Variants in MID1 observed in about 807,000 individuals in gnomAD.
The protein encoded by MID1 is E3 ubiquitin-protein ligase Midline-1.
In MID1, 7 loss-of-function variants were observed where a neutral mutation model predicts 40.4. That is an observed-to-expected ratio of 0.17 (90% CI 0.10 to 0.33). MID1 has a LOEUF of 0.33. Among genes scored for constraint, MID1 ranks in the 10% least tolerant of loss-of-function variants. The pLI is 1.00. For synonymous variants in MID1, 229 were observed against 221.2 expected (o/e 1.04, Z -0.31); for missense variants, 367 against 558.5 (o/e 0.66, Z 3.46).
Position 10,567,442 on chromosome X carries a change from G to A in MID1, c.106C>T (p.Arg36Cys). 8.3e-6 allele frequency: 10 copies of A among 1,211,484 alleles called. No individual in the cohort carries two copies. Among genetic ancestry groups the A allele is most frequent in the South Asian group, 3.5e-5 (2 of 56,936 alleles). The change falls in exon 2 of 10, where the codon CGC becomes TGC. Residue 36 changes from arginine (R) to cysteine (C), a missense_variant. Physicochemically the swap from Arg to Cys is radical, Grantham distance 180. Coordinates refer to ENST00000317552, the MANE Select transcript of MID1 (RefSeq NM_000381.4). ...AHSLCFNCAH[R>C]ILVSHCATNE... ...GTGGCACAGTGTGATACTAGGATGC[G>A]GTGGGCGCAGTTGAAGCAGAGGCTG...
intron 1 of MID1, among the ~76,000 whole-genome samples, chrX:10,786,434 G>C (rs2043884001): frequency 9.0e-6 from 1 of 111,235 alleles, no homozygotes; most frequent in African/African-American, 3.3e-5. Flanking sequence ...TCTACAACTA[G>C]AAATACCATT....
intron 1 of MID1, among the ~76,000 whole-genome samples, chrX:10,664,391 A>T (rs2042936793): frequency 9.0e-6 from 1 of 111,331 alleles, no homozygotes; most frequent in African/African-American, 3.3e-5. Context: ...GGTGGACTCA[A>T]ACTCCTGACC....
chrX:10,775,495 T>C (rs1328038453), intron 1 of MID1, among the ~76,000 whole-genome samples: 1 of 112,278 alleles, frequency 8.9e-6, no homozygotes, highest in Middle Eastern at 4.2e-3. Context: ...TATTTTTATG[T>C]ACTGGTCAAA....
Position 10,552,183 on chromosome X carries a change from A to T in MID1, c.660+14705T>A, listed in dbSNP as rs200749008. Among the ~76,000 whole-genome samples the T allele has an allele frequency of 2.7e-3, 290 of 109,101 alleles. 6 individuals are homozygous for T. In the East Asian group the frequency reaches 0.03, roughly 11 times the overall value. 94.7% of individuals were successfully genotyped at this position (109,101 alleles called of 115,157 possible). On this transcript the variant is annotated intron_variant, in intron 2 of 9. Transcript: ENST00000317552. Reference sequence around the variant, plus strand: ...ATGAAGGAGTGGTAAAAAAAAAAAAAATAGGGAATGTCGGAGATCAGATAA... The same window carrying T: ...ATGAAGGAGTGGTAAAAAAAAAAAATATAGGGAATGTCGGAGATCAGATAA...
At chrX:10,681,527 C>A (rs2043060537) in intron 1 of MID1, among the ~76,000 whole-genome samples, 2 of 112,221 alleles carry the variant, frequency 1.8e-5, no homozygotes, top group Admixed American at 1.9e-4. Context: ...GGCTCCCTCA[C>A]AACATGCTGT....
chrX:10,567,823 G>A lies in MID1; in HGVS notation c.-56-220C>T, dbSNP rs1341142773. 3.8e-5 allele frequency among the ~76,000 whole-genome samples: 4 copies of A among 105,814 alleles called. No homozygotes were observed. The Admixed American group carries it at 3.9e-4, about 10-fold the overall frequency. 91.9% of individuals were successfully genotyped at this position (105,814 alleles called of 115,157 possible). A position where few individuals can be genotyped will look rare whatever the true frequency, so the allele number is the denominator to read the frequency against. On this transcript the variant is annotated intron_variant, in intron 1 of 9. Transcript: ENST00000317552. ...AACATTTTCTCAAAGTTCAGTAACT[G>A]AAAATGTGCAATTTTTTTTTTCAAT...
intron 1 of MID1, among the ~76,000 whole-genome samples, chrX:10,727,297 T>TC (rs763525775): frequency 9.0e-6 from 1 of 110,525 alleles, no homozygotes; most frequent in Non-Finnish European, 1.9e-5. Context: ...GTATTTTCTT[T>TC]CAGTAGAGAT....
intron 1 of MID1, among the ~76,000 whole-genome samples, chrX:10,597,018 T>C (rs1935424410): frequency 9.0e-6 from 1 of 111,010 alleles, no homozygotes; most frequent in Non-Finnish European, 1.9e-5. Context: ...ATACTGCCCA[T>C]TAATCCTAAA....
intron 1 of MID1, among the ~76,000 whole-genome samples, chrX:10,580,832 C>T (rs1293995912): frequency 9.2e-6 from 1 of 108,864 alleles, no homozygotes; most frequent in African/African-American, 3.4e-5. Context: ...CCAGCTTTCC[C>T]TCTGGCATGC....
At chrX:10,517,843 T>C (rs1932527672) in intron 3 of MID1, among the ~76,000 whole-genome samples, 1 of 112,640 alleles carries the variant, frequency 8.9e-6, no homozygotes, top group Admixed American at 9.4e-5. Context: ...AAATAATTTC[T>C]TGTTTCTCTG....
intron 1 of MID1, among the ~76,000 whole-genome samples, chrX:10,726,830 G>A (rs1184842538): frequency 1.8e-5 from 2 of 112,691 alleles, no homozygotes; most frequent in East Asian, 2.8e-4. Flanking sequence ...GTGGGCCAAG[G>A]AGCCATGAAC....
chrX:10,764,579 T>C (rs932333377), intron 1 of MID1, among the ~76,000 whole-genome samples: 24 of 112,261 alleles, frequency 2.1e-4, no homozygotes, highest in Admixed American at 2.8e-4. Context: ...TTTAAAGCTC[T>C]GTGTATGATA....
chrX:10,668,560 A>G (rs1473990872), intron 1 of MID1, among the ~76,000 whole-genome samples: 1 of 112,369 alleles, frequency 8.9e-6, no homozygotes, highest in East Asian at 2.8e-4. Flanking sequence ...GTTATATGGC[A>G]AGGCAATAGA....
At chrX:10,804,617 T>G in intron 1 of MID1, among the ~76,000 whole-genome samples, 1 of 111,322 alleles carries the variant, frequency 9.0e-6, no homozygotes, top group Non-Finnish European at 1.9e-5. Flanking sequence ...GGAGCACTGT[T>G]GATGTGGTTA....
Position 10,648,678 on chromosome X carries a change from T to C in MID1, c.-186-28259A>G, listed in dbSNP as rs933453396. 4.6e-4 allele frequency among the ~76,000 whole-genome samples: 51 copies of C among 111,837 alleles called. No homozygotes were observed. In the Admixed American group the frequency reaches 4.8e-3, roughly 10 times the overall value. The stretch of plus-strand genomic sequence containing the variant: ...AGTGTGGCAGAGACAATGTTATATG[T>C]CCAGTAACTCCTGTTACATTTTGTT... On this transcript the variant is annotated intron_variant, in intron 1 of 10. Coordinates refer to the MID1 transcript ENST00000380785.
intron 1 of MID1, among the ~76,000 whole-genome samples, chrX:10,743,683 C>G (rs2043540912): frequency 8.9e-6 from 1 of 111,973 alleles, no homozygotes; most frequent in Non-Finnish European, 1.9e-5. Context: ...AGAAAGCAGT[C>G]TTCATGTTTT....
chrX:10,721,054 G>T (rs1195337885), intron 1 of MID1, among the ~76,000 whole-genome samples: 3 of 106,832 alleles, frequency 2.8e-5, no homozygotes, highest in African/African-American at 6.9e-5. Flanking sequence ...GTTGTGGGGT[G>T]GGGGGAGGCG....
At chrX:10,604,830 C>T (rs143209689) in intron 1 of MID1, among the ~76,000 whole-genome samples, 159 of 112,528 alleles carry the variant, frequency 1.4e-3, no homozygotes, top group African/African-American at 4.8e-3. Flanking sequence ...ACATATGCAA[C>T]AGATAGGTAA....
intron 3 of MID1, among the ~76,000 whole-genome samples, chrX:10,522,262 G>A (rs1464664133): frequency 1.8e-5 from 2 of 111,749 alleles, no homozygotes; most frequent in Non-Finnish European, 3.8e-5. Flanking sequence ...ATGTGATAAC[G>A]GAGGAAGGGT....
Sources: gnomAD v4.1 joint callset for allele counts (sites outside exome capture counted in the v4.1 genomes callset) on GRCh38, gnomAD v4.1.1 for gene constraint, MANE v1.5 for transcripts, NCBI Gene and HGNC (gene_info 2026-07-23, HGNC 2026-07-21) for gene names.